GLRB: variants seen among roughly 807,000 people sequenced by gnomAD.
GLRB encodes glycine receptor subunit beta.
A neutral mutation model predicts 54.2 loss-of-function variants in GLRB; 33 were observed. The ratio of observed to expected loss-of-function variants is 0.61; its 90% CI spans 0.46 to 0.81. The LOEUF (loss-of-function observed/expected upper bound fraction) is 0.81, where lower values mean the gene tolerates loss of function less well. Among genes scored for constraint, GLRB ranks in the 40% least tolerant of loss-of-function variants. The probability of loss-of-function intolerance (pLI) is 0.00; values close to 1 mark genes in which losing one functional copy is unlikely to be tolerated. For missense variants in GLRB, 572 were observed against 584.6 expected (o/e 0.98, Z 0.22); for synonymous variants, 209 against 208.2 (o/e 1.00, Z -0.03).
At chr4:157,168,553 A>G (rs1240392211) in intron 9 of GLRB, among the ~76,000 whole-genome samples, 31 of 152,186 alleles carry the variant, frequency 2.0e-4, no homozygotes, top group Admixed American at 1.8e-3. Context: ...GGATGGGACT[A>G]TGTTTCCATT....
chr4:157,128,789 T>G (rs1335497369), intron 4 of GLRB, among the ~76,000 whole-genome samples: 2 of 151,862 alleles, frequency 1.3e-5, no homozygotes, highest in Non-Finnish European at 2.9e-5. Context: ...GGCATTTGGG[T>G]AACTTGCAAT....
At chr4:157,150,886 T>G (rs1429245158) in intron 8 of GLRB, among the ~76,000 whole-genome samples, 2 of 152,088 alleles carry the variant, frequency 1.3e-5, no homozygotes, top group Non-Finnish European at 2.9e-5. Flanking sequence ...CCCCAACTAC[T>G]AATTTTCTTT....
intron 9 of GLRB, among the ~76,000 whole-genome samples, chr4:157,161,583 C>A (rs1435700862): frequency 6.6e-6 from 1 of 152,162 alleles, no homozygotes; most frequent in Non-Finnish European, 1.5e-5. Flanking sequence ...TTCTCCTTCA[C>A]TTATGAAGCT....
intron 2 of GLRB, among the ~76,000 whole-genome samples, chr4:157,078,461 G>C (rs1176521257): frequency 6.6e-6 from 1 of 151,386 alleles, no homozygotes; most frequent in African/African-American, 2.4e-5. Context: ...AACTTTAATT[G>C]GATACTGATA....
intron 2 of GLRB, among the ~76,000 whole-genome samples, chr4:157,118,518 T>C (rs1735687773): frequency 1.3e-5 from 2 of 151,658 alleles, no homozygotes; most frequent in South Asian, 4.1e-4. Flanking sequence ...TTGGAGCCAA[T>C]AAAGCCACAA....
intron 9 of GLRB, among the ~76,000 whole-genome samples, chr4:157,153,735 C>T (rs76333729): frequency 0.096 from 14,532 of 152,146 alleles, 763 homozygotes; most frequent in Middle Eastern, 0.13. Context: ...TCATTGATGC[C>T]TTCTGGATGG....
At chr4:157,116,555 T>C (rs1330016110) in intron 2 of GLRB, among the ~76,000 whole-genome samples, 1 of 151,734 alleles carries the variant, frequency 6.6e-6, no homozygotes, top group Non-Finnish European at 1.5e-5. Flanking sequence ...TAACTTACTT[T>C]CTAAATTATA....
intron 8 of GLRB, among the ~76,000 whole-genome samples, chr4:157,146,171 C>T (rs1736800276): frequency 6.6e-6 from 1 of 151,930 alleles, no homozygotes; most frequent in Non-Finnish European, 1.5e-5. Flanking sequence ...CACCCACCAC[C>T]ATGCCCAGCT....
At chr4:157,170,316 T>C in intron 9 of GLRB, 116 bp from the exon 10 acceptor site, 2 of 666,692 alleles carry the variant, frequency 3.0e-6, no homozygotes, top group Non-Finnish European at 5.3e-6. Context: ...GTTAGTTCTT[T>C]GTGACATAAG....
At chr4:157,101,827 G>A (rs1236218306) in intron 2 of GLRB, among the ~76,000 whole-genome samples, 1 of 81,958 alleles carries the variant, frequency 1.2e-5, no homozygotes, top group African/African-American at 4.6e-5. Context: ...GGGGGGGAGG[G>A]TTTGGGGTTG....
At chr4:157,085,424 T>A (rs1183229372) in intron 2 of GLRB, among the ~76,000 whole-genome samples, 1 of 152,142 alleles carries the variant, frequency 6.6e-6, no homozygotes, top group East Asian at 1.9e-4. Context: ...TTTTAACGTA[T>A]GTGTTACTAT....
At chr4:157,099,759 G>A (rs189562422) in intron 2 of GLRB, among the ~76,000 whole-genome samples, 34 of 152,218 alleles carry the variant, frequency 2.2e-4, no homozygotes, top group African/African-American at 8.2e-4. Context: ...AGAAGATATG[G>A]ACAGTTTTCA....
intron 2 of GLRB, among the ~76,000 whole-genome samples, chr4:157,107,116 G>A (rs1454738644): frequency 6.6e-6 from 1 of 152,030 alleles, no homozygotes; most frequent in Non-Finnish European, 1.5e-5. Flanking sequence ...CCACATAAGA[G>A]TGCAAATTTA....
intron 2 of GLRB, among the ~76,000 whole-genome samples, chr4:157,115,766 T>G (rs888899263): frequency 3.3e-5 from 5 of 151,778 alleles, no homozygotes; most frequent in African/African-American, 1.2e-4. Flanking sequence ...CCTTAGAGCA[T>G]GAGAAATGAT....
At chr4:157,154,422 C>CTTTTTTTTTTT (rs1737144544) in intron 9 of GLRB, among the ~76,000 whole-genome samples, 1 of 136,494 alleles carries the variant, frequency 7.3e-6, no homozygotes, top group African/African-American at 2.8e-5. Flanking sequence ...TCTTCTTTTT[C>CTTTTTTTTTTT]CTTTTTTTTT....
In GLRB at chr4:157,152,942, G is replaced by T. The variant is rs1483255844; in HGVS notation, c.1129G>T (p.Gly377Cys). The T allele has an allele frequency of 4.3e-6, 7 of 1,613,856 alleles. No homozygotes were observed. Among genetic ancestry groups the T allele is most frequent in the Non-Finnish European group, 4.2e-6 (5 of 1,179,938 alleles). Reference protein sequence around the residue: ...IAKAEQADGKGGNVAKKNTVN... With the variant: ...IAKAEQADGKCGNVAKKNTVN... ...TAAGGCTGAGCAAGCAGATGGAAAA[G>T]GTGGAAATGTGGCTAAAAAGAATAC... Residue 377 changes from glycine (G) to cysteine (C), a missense_variant, in exon 9 of 10, where the codon GGT becomes TGT. Coordinates refer to ENST00000264428, the MANE Select transcript of GLRB (RefSeq NM_000824.5).
At chr4:157,124,014 C>A (rs974474180) in intron 4 of GLRB, among the ~76,000 whole-genome samples, 1 of 151,644 alleles carries the variant, frequency 6.6e-6, no homozygotes, top group African/African-American at 2.4e-5. Flanking sequence ...TTCCTTCCAA[C>A]TATCAGGAAG....
rs572597639 is a variant in GLRB at position 157,106,291 on chromosome 4, C to T, written c.123-14265C>T. 4.6e-5 allele frequency among the ~76,000 whole-genome samples: 7 copies of T among 152,220 alleles called. No homozygotes were observed. In the South Asian group the frequency reaches 8.3e-4, roughly 18 times the overall value. ...ATAGTCTTATGGAGGTTCACATGTA[C>T]TTGACAAGTGGCTTTTAGCCTGATG... On this transcript the variant is annotated intron_variant, in intron 2 of 9. Transcript: ENST00000264428.
chr4:157,143,734 C>T, intron 7 of GLRB, 73 bp from the exon 8 acceptor site: 2 of 1,430,804 alleles, frequency 1.4e-6, no homozygotes. Flanking sequence ...TTACCGTTTC[C>T]AGGTCTGTCA....
Sources: allele counts gnomAD v4.1 joint callset (sites outside exome capture counted in the v4.1 genomes callset), GRCh38; gene constraint gnomAD v4.1.1; transcripts MANE v1.5; gene names NCBI Gene and HGNC (gene_info 2026-07-23, HGNC 2026-07-21).